Variants in KIAA1217 observed in about 807,000 individuals in gnomAD.
KIAA1217 encodes sickle tail protein homolog.
In KIAA1217, 88 loss-of-function variants were observed where a neutral mutation model predicts 163.9. The observed-to-expected ratio is 0.54, with a 90% CI of 0.45 to 0.64. KIAA1217 has a LOEUF of 0.64. Ranked by LOEUF, KIAA1217 falls within the 30% of genes least tolerant of loss-of-function variation. The probability of loss-of-function intolerance (pLI) is 0.00; values close to 1 mark genes in which losing one functional copy is unlikely to be tolerated. For synonymous variants in KIAA1217, 903 were observed against 923.1 expected, an observed-to-expected ratio of 0.98 and a Z score of 0.39; for missense variants, 2,372 against 2,475.0, an observed-to-expected ratio of 0.96 and a Z score of 0.88.
chr10:24,159,875 T>G lies in KIAA1217; in HGVS notation c.-170-59751T>G, dbSNP rs75319710. On this transcript the variant is annotated intron_variant, in intron 2 of 18. Transcript: ENST00000376462. ...TACATATTTAGGTCTATGATATATA[T>G]AGAGTTTTTATCTGGTGCAAGATAC... Among the ~76,000 whole-genome samples the G allele has an allele frequency of 2.0e-4, 30 of 152,388 alleles. No individual in the cohort carries two copies. The East Asian group carries it at 5.0e-3, about 25-fold the overall frequency.
At position 23,763,343 on chromosome 10, in the gene KIAA1217, C is replaced by T. The variant is rs150516953; in HGVS notation, c.-321+68109C>T. Among the ~76,000 whole-genome samples, 181 of 152,296 alleles carry T rather than the reference C, an allele frequency of 1.2e-3. 13 individuals carry two copies. The East Asian group carries it at 0.028, about 24-fold the overall frequency. ...AAAAAGAACAAAGCTAGAGGCATCA[C>T]ACTACCTGACTTCAAACTATACTAC... On this transcript the variant is annotated intron_variant, in intron 1 of 18. Coordinates refer to the KIAA1217 transcript ENST00000376462.
At chr10:24,234,757 A>G (rs750583166) in intron 2 of KIAA1217, among the ~76,000 whole-genome samples, 15 of 151,864 alleles carry the variant, frequency 9.9e-5, no homozygotes, top group Admixed American at 2.6e-4. Context: ...AATTCCGTCC[A>G]CTAGCATTTA....
chr10:24,442,135 A>T (rs1019541646), intron 5 of KIAA1217, among the ~76,000 whole-genome samples: 38 of 152,208 alleles, frequency 2.5e-4, no homozygotes, highest in African/African-American at 9.1e-4. Context: ...CTCTTAAATT[A>T]TTCCCCAATA....
At chr10:24,259,518 G>A (rs1166100384) in intron 2 of KIAA1217, among the ~76,000 whole-genome samples, 3 of 152,208 alleles carry the variant, frequency 2.0e-5, no homozygotes, top group Non-Finnish European at 4.4e-5. Context: ...CAGAGGCTAA[G>A]GTGGGAGGAT....
At chr10:23,702,022 T>A (rs1041075646) in intron 1 of KIAA1217, among the ~76,000 whole-genome samples, 1 of 152,200 alleles carries the variant, frequency 6.6e-6, no homozygotes, top group African/African-American at 2.4e-5. Flanking sequence ...GGTTTAGTAC[T>A]TGTAGGTTAC....
At chr10:24,463,328 T>C (rs1408544184) in intron 5 of KIAA1217, among the ~76,000 whole-genome samples, 1 of 152,218 alleles carries the variant, frequency 6.6e-6, no homozygotes, top group Non-Finnish European at 1.5e-5. Context: ...TCAGTAGAGT[T>C]CCTCTGTCAA....
intron 2 of KIAA1217, among the ~76,000 whole-genome samples, chr10:24,229,251 A>C (rs7077598): frequency 6.6e-6 from 1 of 152,150 alleles, no homozygotes; most frequent in Non-Finnish European, 1.5e-5. Context: ...CTTTGGCCAC[A>C]GTGAAGGTCT....
chr10:23,928,887 G>A lies in KIAA1217; in HGVS notation c.-320-78338G>A, dbSNP rs116044282. ...CTCTGTGGCCATCTTACCTGGAGAG[G>A]TCTCAGAAGGCCCCTCTGTCTGAGG... On this transcript the variant is annotated intron_variant, in intron 1 of 18. Coordinates refer to the KIAA1217 transcript ENST00000376462. Among the ~76,000 whole-genome samples, 798 of 152,304 alleles carry A rather than the reference G, an allele frequency of 5.2e-3. 3 individuals are homozygous for A. Among genetic ancestry groups the A allele is most frequent in the Middle Eastern group, 0.02 (6 of 294 alleles).
chr10:23,740,797 G>T (rs1284983028), intron 1 of KIAA1217, among the ~76,000 whole-genome samples: 1 of 151,854 alleles, frequency 6.6e-6, no homozygotes, highest in South Asian at 2.1e-4. Flanking sequence ...AAAAATGGGC[G>T]CATGCCTGTA....
rs115861989 is a variant in KIAA1217, at chr10:24,472,890, C to A, written c.847-338C>A. The stretch of plus-strand genomic sequence containing the variant: ...CCAGCTTCTAGCAGCTGCCCACATT[C>A]CTTGGCTCATGGCCCCTTCTCATAG... On this transcript the variant is annotated intron_variant, in intron 5 of 20. Coordinates refer to ENST00000376454, the MANE Select transcript of KIAA1217 (RefSeq NM_019590.5). 4.3e-3 allele frequency among the ~76,000 whole-genome samples: 655 copies of A among 152,232 alleles called. 6 individuals are homozygous for A. The highest frequency in any genetic ancestry group is 0.015 in the African/African-American group (625 of 41,540).
At chr10:24,015,602 A>G (rs1847443375) in intron 2 of KIAA1217, among the ~76,000 whole-genome samples, 1 of 151,950 alleles carries the variant, frequency 6.6e-6, no homozygotes, top group Admixed American at 6.6e-5. Flanking sequence ...CTATAAATGC[A>G]GAACTTAGCA....
At chr10:24,043,264 A>G (rs1005127795) in intron 2 of KIAA1217, among the ~76,000 whole-genome samples, 1 of 152,222 alleles carries the variant, frequency 6.6e-6, no homozygotes, top group African/African-American at 2.4e-5. Flanking sequence ...GTTTTCTACT[A>G]CAAATGTAAT....
At chr10:23,766,751 G>A (rs1190776680) in intron 1 of KIAA1217, among the ~76,000 whole-genome samples, 2 of 151,872 alleles carry the variant, frequency 1.3e-5, no homozygotes, top group African/African-American at 4.8e-5. Flanking sequence ...ATCATACCCA[G>A]CTAATTTTTG....
At chr10:24,204,068 T>C (rs2067415063), upstream of KIAA1217, among the ~76,000 whole-genome samples, 2 of 152,238 alleles carry the variant, frequency 1.3e-5, no homozygotes, top group Non-Finnish European at 2.9e-5. Context: ...GCAAATATGC[T>C]TAAAGTATTA....
chr10:24,433,557 A>C (rs1278265138), intron 4 of KIAA1217, among the ~76,000 whole-genome samples: 2 of 152,162 alleles, frequency 1.3e-5, no homozygotes, highest in Non-Finnish European at 2.9e-5. Context: ...ACATCTGAAA[A>C]GAACATTAGA....
chr10:24,281,556 A>G (rs185863605), intron 2 of KIAA1217, among the ~76,000 whole-genome samples: 114 of 152,268 alleles, frequency 7.5e-4, no homozygotes, highest in South Asian at 8.3e-4. Context: ...TCTGTTCCTT[A>G]GGCTCTTGGC....
At chr10:23,978,497 C>G (rs1279429401) in intron 1 of KIAA1217, among the ~76,000 whole-genome samples, 1 of 152,130 alleles carries the variant, frequency 6.6e-6, no homozygotes, top group African/African-American at 2.4e-5. Flanking sequence ...TGCAGTGAAT[C>G]TTTTATGTTG....
In KIAA1217 at chr10:24,473,531, A is replaced by G; in HGVS notation, c.1150A>G (p.Ile384Val). 6.2e-7 allele frequency: 1 copy of G among 1,614,114 alleles called. No homozygotes were observed. Among genetic ancestry groups the G allele is most frequent in the Non-Finnish European group, 8.5e-7 (1 of 1,180,014 alleles). ...KPDEDMSGKN[I>V]AMYRNEGFYA... ...TGATGAAGACATGAGTGGCAAAAAC[A>G]TTGCAATGTACAGAAATGAGGGTTT... Residue 384 changes from isoleucine to valine, a missense_variant, in exon 6 of 21, where the codon ATT becomes GTT. Coordinates refer to ENST00000376454, the MANE Select transcript of KIAA1217 (RefSeq NM_019590.5).
chr10:24,507,023 C>T (rs1274192306), intron 9 of KIAA1217, among the ~76,000 whole-genome samples: 1 of 152,194 alleles, frequency 6.6e-6, no homozygotes, highest in African/African-American at 2.4e-5. Context: ...GAGATGTTCA[C>T]GTTTTGAAAA....
Sources: gnomAD v4.1 joint callset for allele counts (sites outside exome capture counted in the v4.1 genomes callset) on GRCh38, gnomAD v4.1.1 for gene constraint, MANE v1.5 for transcripts, NCBI Gene and HGNC (gene_info 2026-07-23, HGNC 2026-07-21) for gene names.